C1orf21: variants seen among roughly 807,000 people sequenced by gnomAD.
C1orf21 encodes chromosome 1 open reading frame 21.
In C1orf21, 3 loss-of-function variants were observed where a neutral mutation model predicts 18.7. The ratio of observed to expected loss-of-function variants is 0.16; its 90% CI spans 0.07 to 0.42. The LOEUF is 0.42. Ranked by LOEUF, C1orf21 falls within the 10% of genes least tolerant of loss-of-function variation. C1orf21 has a pLI of 0.99. For synonymous variants in C1orf21, 41 were observed against 46.4 expected (o/e 0.88, Z 0.47); for missense variants, 104 against 143.6 (o/e 0.72, Z 1.41).
At chr1:184,600,736 G>C (rs1358422025) in intron 5 of C1orf21, among the ~76,000 whole-genome samples, 1 of 152,166 alleles carries the variant, frequency 6.6e-6, no homozygotes, top group Admixed American at 6.5e-5. Flanking sequence ...TGGAAGAAGA[G>C]CTCCTATATC....
intron 5 of C1orf21, among the ~76,000 whole-genome samples, chr1:184,602,239 G>A (rs964726197): frequency 6.6e-6 from 1 of 152,132 alleles, no homozygotes; most frequent in Admixed American, 6.5e-5. Context: ...TTTAACCAGG[G>A]ATTTGGGACT....
chr1:184,444,954 A>T (rs936057520), intron 1 of C1orf21, among the ~76,000 whole-genome samples: 1 of 152,134 alleles, frequency 6.6e-6, no homozygotes, highest in African/African-American at 2.4e-5. Flanking sequence ...GGATGAATAT[A>T]ATATTTGTTC....
chr1:184,603,712 T>G (rs1369589111), intron 5 of C1orf21, among the ~76,000 whole-genome samples: 2 of 152,140 alleles, frequency 1.3e-5, no homozygotes, highest in Non-Finnish European at 2.9e-5. Flanking sequence ...TGAGAATCGC[T>G]TGGACCTGGG....
At chr1:184,561,672 G>A (rs887025690) in intron 3 of C1orf21, among the ~76,000 whole-genome samples, 14 of 152,002 alleles carry the variant, frequency 9.2e-5, no homozygotes, top group African/African-American at 1.7e-4. Flanking sequence ...GCTGGAATGC[G>A]ATGGTGTGAT....
At chr1:184,524,759 C>T (rs1248255401) in intron 3 of C1orf21, among the ~76,000 whole-genome samples, 5 of 151,978 alleles carry the variant, frequency 3.3e-5, no homozygotes, top group Admixed American at 3.3e-4. Flanking sequence ...AATTTCAAAC[C>T]CCTAAAGAGG....
intron 1 of C1orf21, among the ~76,000 whole-genome samples, chr1:184,433,143 G>C (rs1337636098): frequency 1.3e-5 from 2 of 152,184 alleles, no homozygotes; most frequent in African/African-American, 4.8e-5. Flanking sequence ...TGGTGTAGCA[G>C]GTCTGGCAGC....
At chr1:184,447,087 A>G (rs1478103955) in intron 1 of C1orf21, among the ~76,000 whole-genome samples, 1 of 152,164 alleles carries the variant, frequency 6.6e-6, no homozygotes, top group Non-Finnish European at 1.5e-5. Flanking sequence ...ATTTCTAGAT[A>G]GAGTGGCTTC....
At chr1:184,591,136 G>C (rs1470975666) in intron 4 of C1orf21, among the ~76,000 whole-genome samples, 1 of 152,122 alleles carries the variant, frequency 6.6e-6, no homozygotes, top group East Asian at 1.9e-4. Context: ...TTATCTATCT[G>C]CAGGGAGGTC....
At chr1:184,526,700 C>T (rs1029431995) in intron 3 of C1orf21, among the ~76,000 whole-genome samples, 12 of 152,066 alleles carry the variant, frequency 7.9e-5, no homozygotes, top group East Asian at 1.9e-4. Context: ...TAACACTTAC[C>T]GGTAGCCTAT....
At chr1:184,430,713 A>G (rs1656728110) in intron 1 of C1orf21, among the ~76,000 whole-genome samples, 3 of 152,164 alleles carry the variant, frequency 2.0e-5, no homozygotes, top group Admixed American at 2.0e-4. Context: ...CTTTGGTTCT[A>G]ATTAGCCTTG....
intron 1 of C1orf21, among the ~76,000 whole-genome samples, chr1:184,389,864 T>C (rs984666755): frequency 6.6e-6 from 1 of 152,202 alleles, no homozygotes; most frequent in African/African-American, 2.4e-5. Context: ...GCAGGTGACA[T>C]ATTTACAGAA....
At chr1:184,603,563 G>A (rs143290275) in intron 5 of C1orf21, among the ~76,000 whole-genome samples, 185 of 152,344 alleles carry the variant, frequency 1.2e-3, no homozygotes, top group African/African-American at 4.2e-3. Flanking sequence ...GGGAGGCCGA[G>A]GCTGGTGGAT....
chr1:184,527,907 TAC>T (rs1257891683), intron 3 of C1orf21, among the ~76,000 whole-genome samples: 2 of 152,220 alleles, frequency 1.3e-5, no homozygotes, highest in African/African-American at 2.4e-5. Flanking sequence ...TAATTTTATT[TAC>T]AGTTTTATCC....
At chr1:184,440,172 A>G (rs1656922039) in intron 1 of C1orf21, among the ~76,000 whole-genome samples, 1 of 152,190 alleles carries the variant, frequency 6.6e-6, no homozygotes, top group African/African-American at 2.4e-5. Context: ...AGCATGATTG[A>G]GACTTGCTTT....
intron 1 of C1orf21, among the ~76,000 whole-genome samples, chr1:184,436,194 T>A (rs1656854788): frequency 6.6e-6 from 1 of 152,030 alleles, no homozygotes; most frequent in African/African-American, 2.4e-5. Context: ...AGAAGGCGAG[T>A]TTGTGTTACA....
At position 184,443,911 on chromosome 1, in the gene C1orf21, G is replaced by C. The variant is rs139520104; in HGVS notation, c.-124-33475G>C. ...GTAAGAAGGCCCAATCCCATGACAG[G>C]GGGTATATGAGGGCAGTGTTTTCCA... On this transcript the variant is annotated intron_variant, in intron 1 of 5. Transcript: ENST00000235307. Among the ~76,000 whole-genome samples the C allele has an allele frequency of 5.3e-5, 8 of 152,256 alleles. No individual in the cohort carries two copies. The East Asian group carries it at 1.5e-3, about 29-fold the overall frequency.
intron 5 of C1orf21, among the ~76,000 whole-genome samples, chr1:184,606,661 A>G (rs1183976378): frequency 6.6e-6 from 1 of 152,132 alleles, no homozygotes; most frequent in Non-Finnish European, 1.5e-5. Flanking sequence ...GGCTCCAAAC[A>G]AAATCATAGA....
At chr1:184,493,729 A>C (rs1453966700) in intron 2 of C1orf21, among the ~76,000 whole-genome samples, 1 of 152,178 alleles carries the variant, frequency 6.6e-6, no homozygotes, top group Non-Finnish European at 1.5e-5. Flanking sequence ...TTAACCTTTT[A>C]GTCTTCATTG....
At chr1:184,532,724 G>A (rs1658486791) in intron 3 of C1orf21, among the ~76,000 whole-genome samples, 1 of 152,140 alleles carries the variant, frequency 6.6e-6, no homozygotes, top group African/African-American at 2.4e-5. Context: ...TTCAGCCTAA[G>A]CAACAAATCA....
Sources: allele counts gnomAD v4.1 joint callset (sites outside exome capture counted in the v4.1 genomes callset), GRCh38; gene constraint gnomAD v4.1.1; transcripts MANE v1.5; gene names NCBI Gene and HGNC (gene_info 2026-07-23, HGNC 2026-07-21).